The following NTRK2 variants were observed in gnomAD, a reference collection of about 807,000 sequenced individuals.
NTRK2 encodes the protein BDNF/NT-3 growth factors receptor.
A neutral mutation model predicts 94.5 loss-of-function variants in NTRK2; 13 were observed. That is an observed-to-expected ratio of 0.14 (90% CI 0.09 to 0.22). The LOEUF is 0.22. Among genes scored for constraint, NTRK2 ranks in the 10% least tolerant of loss-of-function variants. The pLI is 1.00. For synonymous variants in NTRK2, 372 were observed against 407.4 expected, an observed-to-expected ratio of 0.91 and a Z score of 1.05; for missense variants, 639 against 1,071.2, an observed-to-expected ratio of 0.60 and a Z score of 5.63.
chr9:84,967,668 C>G (rs1825713853), intron 17 of NTRK2, among the ~76,000 whole-genome samples: 1 of 152,242 alleles, frequency 6.6e-6, no homozygotes, highest in Non-Finnish European at 1.5e-5. Flanking sequence ...CCCACGCCCT[C>G]AGCCCTGGAG....
At chr9:84,714,877 TG>T (rs2061619318) in intron 6 of NTRK2, among the ~76,000 whole-genome samples, 1 of 152,298 alleles carries the variant, frequency 6.6e-6, no homozygotes, top group African/African-American at 2.4e-5. Context: ...CATGGTCTTG[TG>T]TGTGTCATCT....
chr9:84,867,177 G>A, intron 13 of NTRK2, 66 bp from the exon 14 acceptor site: 7 of 1,488,536 alleles, frequency 4.7e-6, no homozygotes, highest in East Asian at 2.3e-5. Context: ...TAAATTTTAT[G>A]TATGTGAATT....
intron 12 of NTRK2, among the ~76,000 whole-genome samples, chr9:84,778,203 C>T (rs1034135393): frequency 6.6e-6 from 1 of 152,150 alleles, no homozygotes; most frequent in Non-Finnish European, 1.5e-5. Flanking sequence ...GCAGAGGTTG[C>T]AGAGAGCCGA....
At chr9:84,715,823 A>C (rs2061679400) in intron 6 of NTRK2, among the ~76,000 whole-genome samples, 1 of 152,126 alleles carries the variant, frequency 6.6e-6, no homozygotes, top group Admixed American at 6.5e-5. Context: ...GATGATTTTC[A>C]GCAGTTAGTC....
intron 17 of NTRK2, among the ~76,000 whole-genome samples, chr9:84,976,242 G>T (rs1295545118): frequency 2.0e-5 from 3 of 152,174 alleles, no homozygotes; most frequent in African/African-American, 7.2e-5. Context: ...TCTGGTGAGG[G>T]CTCTCTTCTT....
At chr9:84,709,961 CTGTGTGTGTGTG>C (rs35954183) in intron 5 of NTRK2, among the ~76,000 whole-genome samples, 4 of 115,270 alleles carry the variant, frequency 3.5e-5, no homozygotes, top group African/African-American at 7.3e-5. Flanking sequence ...ATAGCTTGCT[CTGTGTGTGTGTG>C]TGTGTGTGTG....
chr9:84,811,664 T>C (rs1222251284), intron 12 of NTRK2: 13 of 1,065,474 alleles, frequency 1.2e-5, no homozygotes, highest in Non-Finnish European at 1.5e-5. Flanking sequence ...TGGGTTTTCA[T>C]GGGTAGGAAA....
intron 17 of NTRK2, among the ~76,000 whole-genome samples, chr9:84,987,463 C>T (rs2133283373): frequency 6.6e-6 from 1 of 152,312 alleles, no homozygotes; most frequent in East Asian, 1.9e-4. Context: ...CCCTCTATTA[C>T]TTAAAACTTC....
At chr9:84,748,342 G>A (rs2064276917) in intron 11 of NTRK2, among the ~76,000 whole-genome samples, 1 of 152,212 alleles carries the variant, frequency 6.6e-6, no homozygotes, top group South Asian at 2.1e-4. Flanking sequence ...ATTTAGAATG[G>A]CTTCAGTAGC....
At chr9:84,974,731 C>T (rs1229121957) in intron 17 of NTRK2, among the ~76,000 whole-genome samples, 1 of 152,110 alleles carries the variant, frequency 6.6e-6, no homozygotes, top group Non-Finnish European at 1.5e-5. Flanking sequence ...TGGTTTCCAC[C>T]CTTGGTTTCC....
chr9:84,752,388 G>A (rs7853120), intron 12 of NTRK2, among the ~76,000 whole-genome samples: 2,718 of 152,238 alleles, frequency 0.018, 92 homozygotes, highest in African/African-American at 0.062. Flanking sequence ...GCTCCAGAAA[G>A]GCAGGTGAGA....
At chr9:84,872,348 A>G (rs200393439) in intron 14 of NTRK2, 1 of 1,100,246 alleles carries the variant, frequency 9.1e-7, no homozygotes, top group African/African-American at 1.6e-5. Flanking sequence ...CAAATCATCA[A>G]TCTTGGGTTC....
intron 17 of NTRK2, among the ~76,000 whole-genome samples, chr9:84,983,082 GAT>G (rs992887236): frequency 6.6e-6 from 1 of 152,128 alleles, no homozygotes; most frequent in Non-Finnish European, 1.5e-5. Flanking sequence ...TCGTTTTGCT[GAT>G]GCATGAGCTG....
Position 85,023,023 on chromosome 9 carries a change from C to T in NTRK2, c.*1586C>T, listed in dbSNP as rs561858481. 4.3e-6 allele frequency: 1 copy of T among 233,184 alleles called. No homozygotes were observed. The highest frequency in any genetic ancestry group is 8.5e-6 in the Non-Finnish European group (1 of 117,994). The allele number at this position is 233,184 out of a possible 1,614,324, so 14.4% of individuals were successfully genotyped here. Reference sequence around the variant, plus strand: ...CATTGTCAGTATGCTGTTTTTGTTTCCTTCACTCCATTCAAAAAGTCAAAA... The same window carrying T: ...CATTGTCAGTATGCTGTTTTTGTTTTCTTCACTCCATTCAAAAAGTCAAAA... On this transcript the variant is annotated 3_prime_UTR_variant, in exon 19 of 19. Coordinates refer to ENST00000277120, the MANE Select transcript of NTRK2 (RefSeq NM_006180.6).
intron 12 of NTRK2, among the ~76,000 whole-genome samples, chr9:84,842,432 C>A (rs2074239923): frequency 6.6e-6 from 1 of 152,180 alleles, no homozygotes; most frequent in Non-Finnish European, 1.5e-5. Context: ...CAGCTCTGAA[C>A]CCAGAGGAAT....
At chr9:84,891,430 C>T (rs917472109) in intron 14 of NTRK2, among the ~76,000 whole-genome samples, 5 of 152,104 alleles carry the variant, frequency 3.3e-5, no homozygotes, top group African/African-American at 1.2e-4. Context: ...ATTTTGCACA[C>T]TCTTCCAGAA....
chr9:84,975,967 A>G (rs967216462), intron 17 of NTRK2, among the ~76,000 whole-genome samples: 13 of 152,182 alleles, frequency 8.5e-5, no homozygotes, highest in African/African-American at 2.9e-4. Flanking sequence ...TATCTAGCCC[A>G]GGAAGGGTAG....
intron 9 of NTRK2, among the ~76,000 whole-genome samples, chr9:84,734,729 T>A (rs2063132132): frequency 6.6e-6 from 1 of 152,196 alleles, no homozygotes; most frequent in Non-Finnish European, 1.5e-5. Flanking sequence ...TTGCTTCCCC[T>A]TCACTTTCTG....
intron 12 of NTRK2, among the ~76,000 whole-genome samples, chr9:84,802,649 C>A (rs2070634331): frequency 6.6e-6 from 1 of 152,322 alleles, no homozygotes; most frequent in Admixed American, 6.5e-5. Flanking sequence ...GTTCTGTTGG[C>A]TGCCTCAGTC....
Sources: gnomAD v4.1 joint callset for allele counts (sites outside exome capture counted in the v4.1 genomes callset) on GRCh38, gnomAD v4.1.1 for gene constraint, MANE v1.5 for transcripts, NCBI Gene and HGNC (gene_info 2026-07-23, HGNC 2026-07-21) for gene names.